The following MALRD1 variants were observed in gnomAD, a reference collection of about 807,000 sequenced individuals.
MALRD1 encodes the protein MAM and LDL-receptor class A domain-containing protein 1.
MALRD1 carries 247 observed loss-of-function variants against 242.1 expected under a neutral mutation model. The ratio of observed to expected loss-of-function variants is 1.02; its 90% CI spans 0.92 to 1.13. The LOEUF (loss-of-function observed/expected upper bound fraction) is 1.13, where lower values mean the gene tolerates loss of function less well. MALRD1 is among the 50% of genes most tolerant of loss of function. MALRD1 has a pLI of 0.00. For missense variants in MALRD1, 2,989 were observed against 2,533.1 expected (o/e 1.18, Z -3.86); for synonymous variants, 995 against 866.6 (o/e 1.15, Z -2.60).
chr10:19,047,133 AT>A (rs1026463937), upstream of MALRD1, among the ~76,000 whole-genome samples: 1 of 152,142 alleles, frequency 6.6e-6, no homozygotes, highest in African/African-American at 2.4e-5. Context: ...TGAGATGAGA[AT>A]GGATAGAGTC....
chr10:19,275,532 G>C (rs558527754), intron 19 of MALRD1, among the ~76,000 whole-genome samples: 1 of 152,162 alleles, frequency 6.6e-6, no homozygotes, highest in Non-Finnish European at 1.5e-5. Flanking sequence ...AGCCTGGCGT[G>C]GTGGCGGGCG....
At chr10:19,554,216 C>G (rs1835613781) in intron 32 of MALRD1, among the ~76,000 whole-genome samples, 1 of 152,060 alleles carries the variant, frequency 6.6e-6, no homozygotes, top group Non-Finnish European at 1.5e-5. Flanking sequence ...GCTCACAGTT[C>G]TGTAGGTTCT....
At chr10:19,142,480 T>A (rs189050524) in intron 10 of MALRD1, among the ~76,000 whole-genome samples, 2 of 152,296 alleles carry the variant, frequency 1.3e-5, no homozygotes, top group Non-Finnish European at 2.9e-5. Context: ...ATGAAATTCT[T>A]TCTTGTCTGC....
intron 26 of MALRD1, among the ~76,000 whole-genome samples, chr10:19,383,726 T>C (rs1461416129): frequency 6.6e-6 from 1 of 151,994 alleles, no homozygotes; most frequent in Non-Finnish European, 1.5e-5. Flanking sequence ...CATGTGATGA[T>C]CAAAATATCT....
At chr10:19,048,448 C>T (rs147350310), upstream of MALRD1, among the ~76,000 whole-genome samples, 1 of 152,148 alleles carries the variant, frequency 6.6e-6, no homozygotes, top group African/African-American at 2.4e-5. Flanking sequence ...TTTCATAGAG[C>T]AATTCTAATA....
intron 21 of MALRD1, among the ~76,000 whole-genome samples, chr10:19,308,318 G>C (rs1167114712): frequency 6.6e-6 from 1 of 151,304 alleles, no homozygotes; most frequent in East Asian, 2.0e-4. Flanking sequence ...ATTTATCACG[G>C]CTTTGCATTG....
intron 24 of MALRD1, among the ~76,000 whole-genome samples, chr10:19,347,325 T>A (rs1191246285): frequency 6.6e-6 from 1 of 152,188 alleles, no homozygotes; most frequent in Non-Finnish European, 1.5e-5. Context: ...CAATTTTCTC[T>A]AAAATAAAGA....
At chr10:19,412,215 C>T (rs1382799504) in intron 28 of MALRD1, among the ~76,000 whole-genome samples, 2 of 152,272 alleles carry the variant, frequency 1.3e-5, no homozygotes, top group South Asian at 2.1e-4. Flanking sequence ...CACTTGAACT[C>T]GGGAGGTGGA....
At chr10:19,236,532 G>A (rs1049200250) in intron 18 of MALRD1, among the ~76,000 whole-genome samples, 4 of 152,078 alleles carry the variant, frequency 2.6e-5, no homozygotes, top group African/African-American at 4.8e-5. Context: ...CCCATTATCA[G>A]CCTTCCTTTC....
chr10:19,727,230 C>G (rs930155595), intron 38 of MALRD1, among the ~76,000 whole-genome samples: 1 of 152,108 alleles, frequency 6.6e-6, no homozygotes, highest in African/African-American at 2.4e-5. Context: ...AATAAAAATA[C>G]AAAATATTCA....
chr10:19,292,872 A>G (rs920626271), intron 21 of MALRD1, among the ~76,000 whole-genome samples: 8 of 147,170 alleles, frequency 5.4e-5, no homozygotes, highest in Non-Finnish European at 7.5e-5. Context: ...CAGCCTGGGC[A>G]ACAGAGCGAG....
At chr10:19,243,399 A>G (rs1429203952) in intron 18 of MALRD1, among the ~76,000 whole-genome samples, 1 of 152,146 alleles carries the variant, frequency 6.6e-6, no homozygotes, top group Non-Finnish European at 1.5e-5. Context: ...TAATGTTTTC[A>G]TTAAAAAGTC....
At chr10:19,726,916 C>T (rs1293685466) in intron 38 of MALRD1, among the ~76,000 whole-genome samples, 2 of 152,056 alleles carry the variant, frequency 1.3e-5, no homozygotes. Flanking sequence ...GAAGGTAAAT[C>T]AGAATTTACC....
intron 36 of MALRD1, among the ~76,000 whole-genome samples, chr10:19,677,501 T>C (rs1240891756): frequency 1.3e-5 from 2 of 152,208 alleles, no homozygotes; most frequent in Non-Finnish European, 2.9e-5. Context: ...TTGCCCACTT[T>C]TTAATGGGGT....
At chr10:19,213,427 T>A (rs970752479) in intron 18 of MALRD1, among the ~76,000 whole-genome samples, 6 of 152,246 alleles carry the variant, frequency 3.9e-5, no homozygotes, top group Middle Eastern at 3.4e-3. Context: ...AGAGATGGGG[T>A]TTCACCATAT....
chr10:19,661,258 C>G (rs1841413625), intron 36 of MALRD1, among the ~76,000 whole-genome samples: 2 of 152,102 alleles, frequency 1.3e-5, no homozygotes. Context: ...CTAGAAATAC[C>G]ATTTGTTCCA....
In MALRD1 at chr10:19,204,428, A is replaced by T; in HGVS notation, c.2210+15A>T. 1.3e-6 allele frequency: 2 copies of T among 1,503,600 alleles called. No individual in the cohort carries two copies. Among genetic ancestry groups the T allele is most frequent in the Non-Finnish European group, 1.8e-6 (2 of 1,109,330 alleles). 93.1% of individuals were successfully genotyped at this position (1,503,600 alleles called of 1,614,324 possible). The stretch of plus-strand genomic sequence containing the variant: ...CTTTCCTTCTGGTAAATATTAAACA[A>T]ATATTTAAACAATATTAAACAGTTC... On this transcript the variant is annotated intron_variant, in intron 16 of 39. Transcript: ENST00000454679.
chr10:19,174,160 C>A (rs1442407912), intron 13 of MALRD1, among the ~76,000 whole-genome samples: 1 of 152,082 alleles, frequency 6.6e-6, no homozygotes, highest in African/African-American at 2.4e-5. Flanking sequence ...CAGCAAAGAT[C>A]TTTATGGGCC....
intron 29 of MALRD1, among the ~76,000 whole-genome samples, chr10:19,469,717 A>G (rs1281169851): frequency 6.6e-6 from 1 of 151,850 alleles, no homozygotes; most frequent in Non-Finnish European, 1.5e-5. Context: ...GTTACATGCC[A>G]AAAGTAAGTT....
Sources: gnomAD v4.1 joint callset for allele counts (sites outside exome capture counted in the v4.1 genomes callset) on GRCh38, gnomAD v4.1.1 for gene constraint, MANE v1.5 for transcripts, NCBI Gene and HGNC (gene_info 2026-07-23, HGNC 2026-07-21) for gene names.